Variants in CNNM4 observed in about 807,000 individuals in gnomAD.
CNNM4 encodes metal transporter CNNM4.
In CNNM4, 32 loss-of-function variants were observed where a neutral mutation model predicts 53.7. That is an observed-to-expected ratio of 0.60 (90% CI 0.45 to 0.80). The LOEUF is 0.80. Among genes scored for constraint, CNNM4 ranks in the 30% least tolerant of loss-of-function variants. The pLI, the probability that CNNM4 is intolerant of heterozygous loss-of-function variation, is 0.00. For synonymous variants in CNNM4, 410 were observed against 440.0 expected (o/e 0.93, Z 0.85); for missense variants, 784 against 1,022.0 (o/e 0.77, Z 3.17).
chr2:96,793,554 C>T (rs2079079395), intron 1 of CNNM4, among the ~76,000 whole-genome samples: 1 of 152,236 alleles, frequency 6.6e-6, no homozygotes, highest in African/African-American at 2.4e-5. Flanking sequence ...TGCACACACA[C>T]AGCAGTGGAT....
Position 96,760,941 on chromosome 2 carries a change from C to G in CNNM4, c.-59C>G, listed in dbSNP as rs1405651196. The G allele has an allele frequency of 3.3e-6, 3 of 917,564 alleles. No homozygotes were observed. The highest frequency in any genetic ancestry group is 3.6e-5 in the African/African-American group (2 of 55,488). The allele number at this position is 917,564 out of a possible 1,614,324, so 56.8% of individuals were successfully genotyped here. On this transcript the variant is annotated 5_prime_UTR_variant, in exon 1 of 7. Transcript: ENST00000377075. ...CAGCGGAGCGGCCGGAGCTGCGGTGCGGACCGGGGCCGCGCGGCGTGGCGC... is the reference window on the plus strand; with the variant it reads ...CAGCGGAGCGGCCGGAGCTGCGGTGGGGACCGGGGCCGCGCGGCGTGGCGC...
rs1035082965 is a variant in CNNM4, at chr2:96,811,485, G to C, written c.*1968G>C. On this transcript the variant is annotated 3_prime_UTR_variant, in exon 7 of 7. Transcript: ENST00000377075. ...CCCTCCTCCTCTTCCCTGGCCCATT[G>C]ATCATCCCTTCTCACAGAGGGTCAT... 6.6e-6 allele frequency: 1 copy of C among 152,444 alleles called. No individual in the cohort carries two copies. Among genetic ancestry groups the C allele is most frequent in the Non-Finnish European group, 1.5e-5 (1 of 68,054 alleles). 9.4% of individuals were successfully genotyped at this position (152,444 alleles called of 1,614,324 possible). A position where few individuals can be genotyped will look rare whatever the true frequency, so the allele number is the denominator to read the frequency against.
Position 96,797,333 on chromosome 2 carries a change from C to T in CNNM4, c.1546+178C>T, listed in dbSNP as rs74995253. 0.024 allele frequency among the ~76,000 whole-genome samples: 3,684 copies of T among 152,330 alleles called. 68 individuals carry two copies. The highest frequency in any genetic ancestry group is 0.033 in the Non-Finnish European group (2,216 of 68,028). ...GGAGCAGGTTGCTGAGAGCAGTGCC[C>T]GGAGGCTGCCTTCACCCTCGGCCTT... On this transcript the variant is annotated intron_variant, in intron 2 of 6. Transcript: ENST00000377075. This position sits in a 1 kb window ranked among gnomAD's most constrained non-coding sequence, Gnocchi z 6.0.
chr2:96,769,674 G>A (rs2078851388), intron 1 of CNNM4, among the ~76,000 whole-genome samples: 1 of 152,138 alleles, frequency 6.6e-6, no homozygotes, highest in South Asian at 2.1e-4. Context: ...AGAACCAAGG[G>A]GGCACGCTAT....
intron 1 of CNNM4, among the ~76,000 whole-genome samples, chr2:96,795,748 TC>T (rs887421528): frequency 1.3e-5 from 2 of 152,112 alleles, no homozygotes; most frequent in African/African-American, 4.8e-5. Flanking sequence ...TTCCCAGATT[TC>T]CGGGGGCCTT....
intron 1 of CNNM4, among the ~76,000 whole-genome samples, chr2:96,779,248 GCGCC>G (rs2078953060): frequency 6.6e-6 from 1 of 152,102 alleles, no homozygotes; most frequent in Non-Finnish European, 1.5e-5. Context: ...GTGAGCCACC[GCGCC>G]TGGCCAATAT....
At chr2:96,776,060 G>A (rs1370478658) in intron 1 of CNNM4, among the ~76,000 whole-genome samples, 1 of 120,702 alleles carries the variant, frequency 8.3e-6, no homozygotes, top group East Asian at 2.5e-4. Flanking sequence ...GTGGAGTCTC[G>A]CTCTGTTGCC....
intron 5 of CNNM4, among the ~76,000 whole-genome samples, chr2:96,805,379 T>TC (rs1336809694): frequency 2.7e-5 from 4 of 147,516 alleles, no homozygotes; most frequent in Admixed American, 2.7e-4. Context: ...AGAGTATTAC[T>TC]CAGTTTAGTC....
chr2:96,801,926 GAC>G lies in CNNM4; in HGVS notation c.1948+2284_1948+2285del, dbSNP rs1261432886. On this transcript the variant is annotated intron_variant, in intron 5 of 6. Transcript: ENST00000377075. This position sits in a 1 kb window ranked among gnomAD's most constrained non-coding sequence, Gnocchi z 5.6. ...TACACACATAGATACACCACTCATA[GAC>G]ACACAAACACACACCCATAGGCACA... 8.0e-5 allele frequency among the ~76,000 whole-genome samples: 12 copies of G among 149,660 alleles called. No homozygotes were observed. Among genetic ancestry groups the G allele is most frequent in the Non-Finnish European group, 1.8e-4 (12 of 67,472 alleles).
At chr2:96,804,796 A>G (rs1004859122) in intron 5 of CNNM4, among the ~76,000 whole-genome samples, 1 of 151,840 alleles carries the variant, frequency 6.6e-6, no homozygotes, top group Admixed American at 6.6e-5. Flanking sequence ...TCAGCCTCCC[A>G]AAGTGCTGGG....
Position 96,761,313 on chromosome 2 carries a change from C to G in CNNM4, c.314C>G (p.Ser105Cys). The change falls in exon 1 of 7, where the codon TCC becomes TGC. Residue 105 changes from serine to cysteine, a missense_variant. Transcript: ENST00000377075. The surrounding 1 kb of genome is among the most constrained non-coding windows in gnomAD (Gnocchi z 6.0). Reference protein sequence around the residue: ...EVDDAETLHKSTSCLELTKDL... With the variant: ...EVDDAETLHKCTSCLELTKDL... ...GACGATGCCGAGACCCTCCACAAGTCCACCAGCTGCCTCGAGCTCACCAAG... is the reference window on the plus strand; with the variant it reads ...GACGATGCCGAGACCCTCCACAAGTGCACCAGCTGCCTCGAGCTCACCAAG... 2 of 1,614,074 alleles carry G rather than the reference C, an allele frequency of 1.2e-6. No homozygotes were observed. Among genetic ancestry groups the G allele is most frequent in the Non-Finnish European group, 1.7e-6 (2 of 1,180,032 alleles).
chr2:96,778,556 C>CAA (rs757948178), intron 1 of CNNM4, among the ~76,000 whole-genome samples: 94 of 90,994 alleles, frequency 1.0e-3, no homozygotes, highest in African/African-American at 3.1e-3. Context: ...GACTCTGTCT[C>CAA]AAAAAAAAAA....
rs143126244 is a variant in CNNM4, at chr2:96,777,523, CAG to C, written c.1402+15125_1402+15126del. Among the ~76,000 whole-genome samples the C allele has an allele frequency of 3.3e-3, 508 of 152,140 alleles. 2 individuals carry two copies. The highest frequency in any genetic ancestry group is 0.011 in the African/African-American group (467 of 41,502). Reference sequence around the variant, plus strand: ...GCCACCACACCTGGCTACTTTGAGACAGAGTCTTGCTTTATTGCTCAGTCTGG... The same window carrying C: ...GCCACCACACCTGGCTACTTTGAGACAGTCTTGCTTTATTGCTCAGTCTGG... On this transcript the variant is annotated intron_variant, in intron 1 of 6. Transcript: ENST00000377075.
rs772029041 is a variant in CNNM4 at position 96,809,474 on chromosome 2, G to C, written c.2285G>C (p.Arg762Pro). The change falls in exon 7 of 7, where the codon CGT becomes CCT. Residue 762 changes from arginine (R) to proline (P), a missense_variant. Coordinates refer to ENST00000377075, the MANE Select transcript of CNNM4 (RefSeq NM_020184.4). ...VDETTTLLNE[R>P]NSLLHKASHE... The stretch of plus-strand genomic sequence containing the variant: ...GAGACCACAACTCTTCTCAACGAGC[G>C]TAACTCCTTGCTGCACAAAGCCTCC... The C allele has an allele frequency of 3.1e-6, 5 of 1,614,190 alleles. 1 individual carries two copies. In the South Asian group the frequency reaches 4.4e-5, roughly 14 times the overall value.
chr2:96,788,345 C>G (rs1045239227), intron 1 of CNNM4, among the ~76,000 whole-genome samples: 2 of 151,780 alleles, frequency 1.3e-5, no homozygotes, highest in Admixed American at 6.6e-5. Context: ...GCCACCGCAG[C>G]CTTCTGGTCT....
chr2:96,765,584 C>T (rs914947889), intron 1 of CNNM4, among the ~76,000 whole-genome samples: 1 of 152,136 alleles, frequency 6.6e-6, no homozygotes, highest in South Asian at 2.1e-4. Context: ...ACAAGTAATC[C>T]TCTTTTAGGG....
intron 1 of CNNM4, among the ~76,000 whole-genome samples, chr2:96,768,689 C>T (rs1299295147): frequency 6.6e-6 from 1 of 152,140 alleles, no homozygotes; most frequent in Non-Finnish European, 1.5e-5. Context: ...AATGGTGTGA[C>T]CCGTTGCTGA....
intron 1 of CNNM4, among the ~76,000 whole-genome samples, chr2:96,788,025 T>G (rs1218282434): frequency 6.6e-6 from 1 of 152,178 alleles, no homozygotes; most frequent in African/African-American, 2.4e-5. Flanking sequence ...CAGGTTCAAG[T>G]GATTCTCCTG....
intron 1 of CNNM4, among the ~76,000 whole-genome samples, chr2:96,790,167 C>T (rs1353969362): frequency 7.4e-5 from 11 of 149,606 alleles, no homozygotes; most frequent in Middle Eastern, 3.6e-3. Flanking sequence ...CCACCTCACC[C>T]GGCTAATTTT....
Sources: gnomAD v4.1 joint callset for allele counts (sites outside exome capture counted in the v4.1 genomes callset) on GRCh38, gnomAD v4.1.1 for gene constraint, Gnocchi (gnomAD v3.1) non-coding constraint, MANE v1.5 for transcripts, NCBI Gene and HGNC (gene_info 2026-07-23, HGNC 2026-07-21) for gene names.